Variants in LRBA observed in about 807,000 individuals in gnomAD.
The protein encoded by LRBA is lipopolysaccharide-responsive and beige-like anchor protein.
A neutral mutation model predicts 330.0 loss-of-function variants in LRBA; 176 were observed. The ratio of observed to expected loss-of-function variants is 0.53; its 90% confidence interval spans 0.47 to 0.60. LRBA has a LOEUF of 0.60. LRBA is among the 20% of genes least tolerant of loss of function. LRBA has a pLI of 0.00. For synonymous variants in LRBA, 1,230 were observed against 1,193.0 expected (o/e 1.03, Z -0.64); for missense variants, 3,259 against 3,444.8 (o/e 0.95, Z 1.35).
chr4:150,426,727 A>T (rs1026428410), intron 46 of LRBA, among the ~76,000 whole-genome samples: 5 of 151,872 alleles, frequency 3.3e-5, no homozygotes, highest in Non-Finnish European at 5.9e-5. Flanking sequence ...ATACTTAACA[A>T]AACTTACTTT....
intron 40 of LRBA, among the ~76,000 whole-genome samples, chr4:150,533,563 C>G (rs924710545): frequency 1.3e-5 from 2 of 152,084 alleles, no homozygotes; most frequent in Non-Finnish European, 2.9e-5. Flanking sequence ...GCATGTGTGT[C>G]AGCTATCAAT....
Position 150,880,335 on chromosome 4 carries a change from C to T in LRBA, c.2166-7580G>A, listed in dbSNP as rs144559320. ...AGGAATTTGAGACCAGCCTAGGCAA[C>T]GTGGTGAAACTCTGTCTCTACAAAA... is the stretch of plus-strand genomic sequence containing the variant. On this transcript the variant is annotated intron_variant, in intron 17 of 56. Coordinates refer to ENST00000651943, the MANE Select transcript of LRBA (RefSeq NM_001364905.1). Among the ~76,000 whole-genome samples, 386 of 152,130 alleles carry T rather than the reference C, an allele frequency of 2.5e-3. 2 individuals carry two copies. The highest frequency in any genetic ancestry group is 3.6e-3 in the Non-Finnish European group (245 of 67,990).
At chr4:150,790,577 A>C (rs943576894) in intron 34 of LRBA, among the ~76,000 whole-genome samples, 6 of 152,234 alleles carry the variant, frequency 3.9e-5, no homozygotes, top group African/African-American at 1.4e-4. Context: ...TGAATCAATA[A>C]AGCATGTTTG....
chr4:150,804,642 G>A (rs781680554), intron 33 of LRBA, among the ~76,000 whole-genome samples: 2 of 152,152 alleles, frequency 1.3e-5, no homozygotes, highest in Non-Finnish European at 2.9e-5. Context: ...ATACAGATGG[G>A]AGTGTCATTC....
chr4:150,803,715 A>G (rs985020388), intron 33 of LRBA, among the ~76,000 whole-genome samples: 1 of 152,166 alleles, frequency 6.6e-6, no homozygotes, highest in Non-Finnish European at 1.5e-5. Context: ...CATAAAATAC[A>G]TAAGTTACAT....
At chr4:150,405,834 T>A (rs1224196440) in intron 47 of LRBA, among the ~76,000 whole-genome samples, 2 of 152,062 alleles carry the variant, frequency 1.3e-5, no homozygotes, top group Admixed American at 1.3e-4. Flanking sequence ...ATAAGAGGAT[T>A]GCTTGAGGTC....
intron 34 of LRBA, among the ~76,000 whole-genome samples, chr4:150,792,028 C>CAA (rs11389573): frequency 0.071 from 3,254 of 45,910 alleles, 378 homozygotes; most frequent in African/African-American, 0.17. Context: ...GGCTCCATCT[C>CAA]AAAAAAAAAA....
intron 28 of LRBA, chr4:150,840,960 A>G (rs996738779): frequency 8.3e-7 from 1 of 1,205,982 alleles, no homozygotes; most frequent in South Asian, 1.4e-5. Flanking sequence ...CAATTTGAAC[A>G]TATCCACTTG....
chr4:150,393,654 G>GT (rs1317997587), intron 47 of LRBA, among the ~76,000 whole-genome samples: 4 of 152,048 alleles, frequency 2.6e-5, no homozygotes, highest in Non-Finnish European at 5.9e-5. Flanking sequence ...TTGGCTAATT[G>GT]TTTAAACTTT....
chr4:150,825,763 G>A lies in LRBA; in HGVS notation c.5171+2417C>T, dbSNP rs577485608. 9.0e-4 allele frequency among the ~76,000 whole-genome samples: 137 copies of A among 152,206 alleles called. No individual in the cohort carries two copies. In the Middle Eastern group the frequency reaches 0.01, roughly 11 times the overall value. On this transcript the variant is annotated intron_variant, in intron 30 of 56. Coordinates refer to ENST00000651943, the MANE Select transcript of LRBA (RefSeq NM_001364905.1). ...GATAACATAATGGGACCCATACAAA[G>A]TGCCACTAGCAATACTGGACATGCT...
At chr4:150,647,613 G>T (rs1022617232) in intron 37 of LRBA, among the ~76,000 whole-genome samples, 1 of 151,662 alleles carries the variant, frequency 6.6e-6, no homozygotes, top group African/African-American at 2.4e-5. Flanking sequence ...TGCCCAGGCT[G>T]GTCTTGAACT....
intron 47 of LRBA, among the ~76,000 whole-genome samples, chr4:150,391,972 TAAAAAAAAAAAA>T (rs150931536): frequency 2.8e-5 from 3 of 107,440 alleles, no homozygotes; most frequent in South Asian, 3.4e-4. Flanking sequence ...TGTTACTCTT[TAAAAAAAAAAAA>T]AAAAAAAAAA....
At chr4:150,301,433 C>T (rs1163445230) in intron 53 of LRBA, among the ~76,000 whole-genome samples, 1 of 151,928 alleles carries the variant, frequency 6.6e-6, no homozygotes, top group Non-Finnish European at 1.5e-5. Flanking sequence ...AGGAAATTAT[C>T]CCTTTTTTGA....
chr4:150,906,217 C>T (rs1296882510), intron 12 of LRBA, 80 bp downstream of exon 12: 13 of 942,410 alleles, frequency 1.4e-5, no homozygotes, highest in African/African-American at 1.2e-4. Context: ...TTCTTGCAGA[C>T]AGAATTCCTT....
chr4:150,971,195 G>A (rs1739545422), intron 2 of LRBA, among the ~76,000 whole-genome samples: 1 of 152,138 alleles, frequency 6.6e-6, no homozygotes, highest in African/African-American at 2.4e-5. Context: ...CTTTTCTCTG[G>A]CAAGCATAAT....
At chr4:150,292,479 T>C (rs547132426) in intron 53 of LRBA, among the ~76,000 whole-genome samples, 14 of 152,302 alleles carry the variant, frequency 9.2e-5, no homozygotes, top group Admixed American at 2.6e-4. Flanking sequence ...CTCAATACCA[T>C]CTATTAGGAA....
At chr4:150,733,596 A>G (rs1730791669) in intron 36 of LRBA, among the ~76,000 whole-genome samples, 1 of 150,878 alleles carries the variant, frequency 6.6e-6, no homozygotes, top group Admixed American at 6.6e-5. Flanking sequence ...ACACACACAC[A>G]CACCTCAAGA....
intron 34 of LRBA, among the ~76,000 whole-genome samples, chr4:150,766,602 G>A (rs1735790709): frequency 6.6e-6 from 1 of 152,082 alleles, no homozygotes; most frequent in African/African-American, 2.4e-5. Flanking sequence ...ATAAACCACA[G>A]CTCAATATAA....
intron 36 of LRBA, among the ~76,000 whole-genome samples, chr4:150,722,320 G>T (rs1729046985): frequency 6.6e-6 from 1 of 152,072 alleles, no homozygotes. Context: ...TGTGGAAAAA[G>T]AATAACCATG....
Sources: allele counts gnomAD v4.1 joint callset (sites outside exome capture counted in the v4.1 genomes callset), GRCh38; gene constraint gnomAD v4.1.1; transcripts MANE v1.5; gene names NCBI Gene and HGNC (gene_info 2026-07-23, HGNC 2026-07-21).